GNAL: variants seen among roughly 807,000 people sequenced by gnomAD.
The protein encoded by GNAL is guanine nucleotide-binding protein G(olf) subunit alpha.
Under a neutral mutation model 55.1 loss-of-function variants are expected in GNAL, and 18 were observed. The observed-to-expected ratio is 0.33, with a 90% confidence interval of 0.23 to 0.48. GNAL has a LOEUF of 0.48. Among genes scored for constraint, GNAL ranks in the 20% least tolerant of loss-of-function variants. The probability of loss-of-function intolerance (pLI) is 0.99; values close to 1 mark genes in which losing one functional copy is unlikely to be tolerated. For synonymous variants in GNAL, 253 were observed against 237.0 expected, an observed-to-expected ratio of 1.07 and a Z score of -0.62; for missense variants, 412 against 614.1, an observed-to-expected ratio of 0.67 and a Z score of 3.48.
chr18:11,885,547 G>T lies in GNAL; in HGVS notation c.*4412G>T, dbSNP rs547912258. 292 of 1,104,724 alleles carry T rather than the reference G, an allele frequency of 2.6e-4. 1 individual carries two copies. The South Asian group carries it at 4.0e-3, about 15-fold the overall frequency. The allele number at this position is 1,104,724 out of a possible 1,614,324, so 68.4% of individuals were successfully genotyped here. ...GGCAAGGGGCAGTGTATGGAGCTAC[G>T]TGTAGAAGGAGAGAAATTTGTGTGT... is the stretch of plus-strand genomic sequence containing the variant. On this transcript the variant is annotated 3_prime_UTR_variant, in exon 12 of 12. Transcript: ENST00000334049.
chr18:11,880,935 C>T (rs2036671906), intron 11 of GNAL, 54 bp from the exon 12 acceptor site: 1 of 1,578,306 alleles, frequency 6.3e-7, no homozygotes, highest in Non-Finnish European at 8.7e-7. Flanking sequence ...CTAGTCCTTC[C>T]CCAGAGTACA....
At chr18:11,704,962 G>C (rs2031670900) in intron 1 of GNAL, among the ~76,000 whole-genome samples, 1 of 135,772 alleles carries the variant, frequency 7.4e-6, no homozygotes, top group Non-Finnish European at 1.6e-5. Flanking sequence ...ATCATGGTAA[G>C]AACACTTCAC....
intron 1 of GNAL, among the ~76,000 whole-genome samples, chr18:11,749,433 C>T (rs147657121): frequency 2.0e-5 from 3 of 152,292 alleles, no homozygotes; most frequent in East Asian, 1.9e-4. Flanking sequence ...ATATTTTTTA[C>T]GTGTGGTCAT....
chr18:11,846,291 G>T (rs2035732723), intron 5 of GNAL, among the ~76,000 whole-genome samples: 1 of 151,946 alleles, frequency 6.6e-6, no homozygotes, highest in Admixed American at 6.6e-5. Context: ...TCACCAAGAG[G>T]AATAATAAAC....
intron 1 of GNAL, among the ~76,000 whole-genome samples, chr18:11,697,686 G>A (rs917239791): frequency 3.3e-5 from 5 of 152,204 alleles, no homozygotes; most frequent in African/African-American, 1.2e-4. Flanking sequence ...TGACTGATGA[G>A]ATGGAGGGAA....
chr18:11,727,395 C>T (rs918260781), intron 1 of GNAL, among the ~76,000 whole-genome samples: 1 of 152,146 alleles, frequency 6.6e-6, no homozygotes, highest in African/African-American at 2.4e-5. Flanking sequence ...AAATGTGAGC[C>T]CTGGAGTTTG....
intron 4 of GNAL, among the ~76,000 whole-genome samples, chr18:11,760,743 C>A (rs766553615): frequency 6.6e-6 from 1 of 152,038 alleles, no homozygotes; most frequent in Non-Finnish European, 1.5e-5. Context: ...CACCCCCAGG[C>A]CTGGGATTCT....
intron 4 of GNAL, among the ~76,000 whole-genome samples, chr18:11,772,669 C>CAT (rs1309119804): frequency 3.3e-5 from 5 of 152,186 alleles, no homozygotes; most frequent in Non-Finnish European, 5.9e-5. Flanking sequence ...GATGTGCTGA[C>CAT]CTGGAGGCAA....
chr18:11,814,898 CA>C (rs1260063707), intron 4 of GNAL, among the ~76,000 whole-genome samples: 3,659 of 85,890 alleles, frequency 0.043, 128 homozygotes, highest in African/African-American at 0.13. Flanking sequence ...AACTCCATCT[CA>C]AAAAAAAAAA....
At chr18:11,772,687 A>T (rs2033669920) in intron 4 of GNAL, among the ~76,000 whole-genome samples, 1 of 152,188 alleles carries the variant, frequency 6.6e-6, no homozygotes, top group Admixed American at 6.5e-5. Flanking sequence ...CAAAGCCAGG[A>T]CTAGAACCGA....
At chr18:11,773,256 T>C (rs901343193) in intron 4 of GNAL, among the ~76,000 whole-genome samples, 4 of 152,262 alleles carry the variant, frequency 2.6e-5, no homozygotes, top group African/African-American at 9.6e-5. Flanking sequence ...GCACATAACA[T>C]GCTCACTTAC....
chr18:11,829,772 G>A (rs1043734729), intron 5 of GNAL, among the ~76,000 whole-genome samples: 2 of 152,328 alleles, frequency 1.3e-5, no homozygotes, highest in East Asian at 3.9e-4. Flanking sequence ...CACTTTGGGA[G>A]GCCGAGGCGG....
chr18:11,862,570 ATTGT>A, intron 6 of GNAL, 121 bp downstream of exon 6: 2 of 827,354 alleles, frequency 2.4e-6, no homozygotes, highest in Non-Finnish European at 4.0e-6. Flanking sequence ...CTTTTTGCAA[ATTGT>A]TTGTACTGCC....
chr18:11,848,790 T>C (rs552221458), intron 5 of GNAL, among the ~76,000 whole-genome samples: 7 of 152,300 alleles, frequency 4.6e-5, no homozygotes, highest in African/African-American at 1.7e-4. Flanking sequence ...ATATTAACTT[T>C]GCAGTCAATG....
At chr18:11,822,651 C>T (rs2035129584) in intron 4 of GNAL, among the ~76,000 whole-genome samples, 1 of 152,122 alleles carries the variant, frequency 6.6e-6, no homozygotes, top group African/African-American at 2.4e-5. Flanking sequence ...TTTCTCAACC[C>T]TCTCACTGAC....
chr18:11,788,326 G>A (rs1464934478), intron 4 of GNAL, among the ~76,000 whole-genome samples: 2 of 152,178 alleles, frequency 1.3e-5, no homozygotes, highest in Non-Finnish European at 2.9e-5. Flanking sequence ...GCAACACCTA[G>A]TGTGGCTCTC....
intron 1 of GNAL, among the ~76,000 whole-genome samples, chr18:11,732,649 T>C (rs1448013129): frequency 1.3e-5 from 2 of 152,264 alleles, no homozygotes; most frequent in Middle Eastern, 3.2e-3. Context: ...TTGTGTTGTA[T>C]GTTAGCAATA....
intron 5 of GNAL, among the ~76,000 whole-genome samples, chr18:11,840,208 T>C (rs1555612430): frequency 6.6e-6 from 1 of 152,240 alleles, no homozygotes; most frequent in Non-Finnish European, 1.5e-5. Context: ...TGCTCGTATT[T>C]CTCATTCTAT....
At chr18:11,851,733 A>G in intron 5 of GNAL, 1 of 1,614,030 alleles carries the variant, frequency 6.2e-7, no homozygotes, top group Non-Finnish European at 8.5e-7. Flanking sequence ...GAGTCGATGC[A>G]GTGGCTGCCA....
Sources: allele counts gnomAD v4.1 joint callset (sites outside exome capture counted in the v4.1 genomes callset), GRCh38; gene constraint gnomAD v4.1.1; transcripts MANE v1.5; gene names NCBI Gene and HGNC (gene_info 2026-07-23, HGNC 2026-07-21).